CAMKMT: variants seen among roughly 807,000 people sequenced by gnomAD.
The protein encoded by CAMKMT is CaM KMT.
CAMKMT carries 53 observed loss-of-function variants against 48.0 expected under a neutral mutation model. The ratio of observed to expected loss-of-function variants is 1.10; its 90% confidence interval spans 0.89 to 1.39. The LOEUF is 1.39. Ranked by LOEUF, CAMKMT falls within the 40% of genes most tolerant of loss-of-function variation. The pLI is 0.00. For missense variants in CAMKMT, 428 were observed against 402.7 expected, an observed-to-expected ratio of 1.06 and a Z score of -0.54; for synonymous variants, 165 against 152.3, an observed-to-expected ratio of 1.08 and a Z score of -0.61.
At chr2:44,511,154 T>C (rs114769130) in intron 3 of CAMKMT, among the ~76,000 whole-genome samples, 5,219 of 152,238 alleles carry the variant, frequency 0.034, 289 homozygotes, top group African/African-American at 0.12. Context: ...TATATCAATC[T>C]TATGCCTTTT....
At chr2:44,469,758 T>C (rs1668319544) in intron 3 of CAMKMT, among the ~76,000 whole-genome samples, 1 of 152,098 alleles carries the variant, frequency 6.6e-6, no homozygotes, top group Non-Finnish European at 1.5e-5. Context: ...CCTCACATTT[T>C]CAGTTTTTAT....
chr2:44,408,930 C>T (rs917600780), intron 3 of CAMKMT, among the ~76,000 whole-genome samples: 3 of 151,626 alleles, frequency 2.0e-5, no homozygotes, highest in East Asian at 3.9e-4. Context: ...TTTATAGAGA[C>T]AGTGTTTTGC....
chr2:44,636,354 G>C (rs1673134888), intron 3 of CAMKMT, among the ~76,000 whole-genome samples: 1 of 152,222 alleles, frequency 6.6e-6, no homozygotes, highest in South Asian at 2.1e-4. Flanking sequence ...AATTACCAGA[G>C]TTAGGACCCA....
chr2:44,447,353 G>C (rs1452284666), intron 3 of CAMKMT, among the ~76,000 whole-genome samples: 1 of 152,150 alleles, frequency 6.6e-6, no homozygotes, highest in Non-Finnish European at 1.5e-5. Context: ...GGTAAGAGCT[G>C]TATTTTGTAT....
intron 4 of CAMKMT, 22 bp downstream of exon 4, chr2:44,704,365 A>G (rs1677427481): frequency 2.0e-6 from 3 of 1,519,594 alleles, no homozygotes; most frequent in Non-Finnish European, 1.8e-6. Flanking sequence ...CACTTAAGAT[A>G]TTTTTTAGCC....
intron 3 of CAMKMT, chr2:44,550,771 T>G (rs1466174257): frequency 6.6e-6 from 1 of 152,214 alleles, no homozygotes; most frequent in Non-Finnish European, 1.5e-5. Context: ...TTGTAATGAT[T>G]AAACCAGTGA....
intron 2 of CAMKMT, among the ~76,000 whole-genome samples, chr2:44,387,532 A>G (rs372301937): frequency 6.6e-6 from 1 of 152,012 alleles, no homozygotes; most frequent in African/African-American, 2.4e-5. Context: ...TCGAAATGTG[A>G]GGTACCCTTG....
intron 3 of CAMKMT, among the ~76,000 whole-genome samples, chr2:44,634,924 T>C (rs1673038193): frequency 6.6e-6 from 1 of 152,068 alleles, no homozygotes; most frequent in Non-Finnish European, 1.5e-5. Flanking sequence ...AATGTGTCTG[T>C]AGGGCTGGGT....
intron 2 of CAMKMT, among the ~76,000 whole-genome samples, chr2:44,373,372 G>C (rs1679367804): frequency 6.6e-6 from 1 of 152,134 alleles, no homozygotes; most frequent in African/African-American, 2.4e-5. Flanking sequence ...ATTGTAAGAA[G>C]CATATGGACT....
chr2:44,474,773 A>G (rs1469122798), intron 3 of CAMKMT, among the ~76,000 whole-genome samples: 2 of 152,198 alleles, frequency 1.3e-5, no homozygotes, highest in Non-Finnish European at 2.9e-5. Flanking sequence ...TGATATCTCT[A>G]TTAATTGCAC....
intron 3 of CAMKMT, among the ~76,000 whole-genome samples, chr2:44,604,742 T>C (rs1671191025): frequency 6.6e-6 from 1 of 152,098 alleles, no homozygotes; most frequent in African/African-American, 2.4e-5. Flanking sequence ...CAGGTTGCCT[T>C]GTTGCTGAGG....
chr2:44,608,853 C>G (rs1365402830), intron 3 of CAMKMT, among the ~76,000 whole-genome samples: 1 of 152,102 alleles, frequency 6.6e-6, no homozygotes, highest in Non-Finnish European at 1.5e-5. Flanking sequence ...ATTATATTCC[C>G]TTGTGGGTAT....
chr2:44,389,692 A>C (rs747188934), intron 2 of CAMKMT, among the ~76,000 whole-genome samples: 1 of 152,188 alleles, frequency 6.6e-6, no homozygotes, highest in Non-Finnish European at 1.5e-5. Flanking sequence ...AGAGTTGTTA[A>C]CTGAAGCGGG....
chr2:44,769,453 C>G (rs771074187), intron 10 of CAMKMT, among the ~76,000 whole-genome samples: 4 of 152,192 alleles, frequency 2.6e-5, no homozygotes, highest in Non-Finnish European at 5.9e-5. Context: ...TCCTCCCCAG[C>G]CTTTTGGTCT....
intron 3 of CAMKMT, among the ~76,000 whole-genome samples, chr2:44,406,004 C>G (rs930628389): frequency 5.3e-5 from 8 of 152,126 alleles, no homozygotes; most frequent in Admixed American, 1.3e-4. Flanking sequence ...AAAGATGTCC[C>G]ATTTTCAACA....
rs1405582622 is a variant in CAMKMT at position 44,556,201 on chromosome 2, C to A, written c.377-148082C>A. On this transcript the variant is annotated intron_variant, in intron 3 of 10. Transcript: ENST00000378494. The stretch of plus-strand genomic sequence containing the variant: ...TCACCCAGGCTGGAGTGCAGTGGCG[C>A]CATCTCAGCTCACTGCAACTTCCGC... Among the ~76,000 whole-genome samples, 3 of 152,102 alleles carry A rather than the reference C, an allele frequency of 2.0e-5. No individual in the cohort carries two copies. The East Asian group carries it at 5.8e-4, about 30-fold the overall frequency.
At chr2:44,468,623 TAAAG>T (rs1558638466) in intron 3 of CAMKMT, among the ~76,000 whole-genome samples, 2 of 152,050 alleles carry the variant, frequency 1.3e-5, no homozygotes, top group Admixed American at 1.3e-4. Context: ...GATGGATAGA[TAAAG>T]AAAATATAAG....
intron 8 of CAMKMT, among the ~76,000 whole-genome samples, chr2:44,747,122 C>A (rs1679953313): frequency 6.6e-6 from 1 of 152,318 alleles, no homozygotes; most frequent in African/African-American, 2.4e-5. Flanking sequence ...CAGCCCGAGA[C>A]TTTGGAAAGA....
At chr2:44,645,375 T>A (rs1673676640) in intron 3 of CAMKMT, among the ~76,000 whole-genome samples, 2 of 152,166 alleles carry the variant, frequency 1.3e-5, no homozygotes. Flanking sequence ...GCGGAGAGGC[T>A]AGGGCAAGGA....
Sources: allele counts gnomAD v4.1 joint callset (sites outside exome capture counted in the v4.1 genomes callset), GRCh38; gene constraint gnomAD v4.1.1; transcripts MANE v1.5; gene names NCBI Gene and HGNC (gene_info 2026-07-23, HGNC 2026-07-21).